The following CCSER1 variants were observed in gnomAD, a reference collection of about 807,000 sequenced individuals.
CCSER1 encodes coiled-coil serine rich protein 1.
CCSER1 carries 41 observed loss-of-function variants against 82.0 expected under a neutral mutation model. The observed-to-expected ratio is 0.50, with a 90% CI of 0.39 to 0.65. CCSER1 has a LOEUF of 0.65. Among genes scored for constraint, CCSER1 ranks in the 30% least tolerant of loss-of-function variants. The pLI is 0.00. For synonymous variants in CCSER1, 414 were observed against 383.9 expected, an observed-to-expected ratio of 1.08 and a Z score of -0.92; for missense variants, 1,119 against 1,064.2, an observed-to-expected ratio of 1.05 and a Z score of -0.72.
intron 10 of CCSER1, among the ~76,000 whole-genome samples, chr4:91,400,516 G>T (rs1752251444): frequency 6.8e-6 from 1 of 147,546 alleles, no homozygotes; most frequent in Non-Finnish European, 1.5e-5. Flanking sequence ...ATATATTATT[G>T]ATCATTTATT....
chr4:91,271,037 A>G (rs1408661516), intron 10 of CCSER1, among the ~76,000 whole-genome samples: 23 of 152,270 alleles, frequency 1.5e-4, no homozygotes, highest in African/African-American at 2.4e-5. Flanking sequence ...TCTTGCATGA[A>G]TAAGTTCTAT....
chr4:90,584,648 C>G (rs1357275642), intron 5 of CCSER1, among the ~76,000 whole-genome samples: 2 of 152,090 alleles, frequency 1.3e-5, no homozygotes, highest in African/African-American at 4.8e-5. Flanking sequence ...TAATACGCTT[C>G]CTATAAATTT....
intron 1 of CCSER1, among the ~76,000 whole-genome samples, chr4:90,139,997 A>G (rs1724443093): frequency 6.6e-6 from 1 of 152,146 alleles, no homozygotes; most frequent in South Asian, 2.1e-4. Context: ...AAAATGAAAA[A>G]TGAATAAAGC....
chr4:90,431,990 G>C (rs1357528125), intron 4 of CCSER1, among the ~76,000 whole-genome samples: 2 of 152,012 alleles, frequency 1.3e-5, no homozygotes, highest in Non-Finnish European at 2.9e-5. Context: ...TGACTCTGCT[G>C]CACGGCAGTC....
intron 10 of CCSER1, among the ~76,000 whole-genome samples, chr4:91,251,849 G>A (rs1560544010): frequency 6.6e-6 from 1 of 152,024 alleles, no homozygotes; most frequent in Non-Finnish European, 1.5e-5. Flanking sequence ...TAATATAGTT[G>A]GCGTTGTCAC....
intron 5 of CCSER1, among the ~76,000 whole-genome samples, chr4:90,584,377 C>G (rs1781752587): frequency 6.6e-6 from 1 of 151,934 alleles, no homozygotes; most frequent in Non-Finnish European, 1.5e-5. Context: ...TAAGAGCCAG[C>G]AAGGAAAAGA....
At chr4:90,806,196 C>T (rs1757480285) in intron 7 of CCSER1, among the ~76,000 whole-genome samples, 1 of 152,114 alleles carries the variant, frequency 6.6e-6, no homozygotes, top group Admixed American at 6.5e-5. Context: ...CAAAGCCATT[C>T]ATAGAGAAGA....
At chr4:90,208,468 C>G (rs1323913752) in intron 1 of CCSER1, among the ~76,000 whole-genome samples, 1 of 151,750 alleles carries the variant, frequency 6.6e-6, no homozygotes, top group African/African-American at 2.4e-5. Context: ...CTGAGCTAGA[C>G]CACTTGGCTC....
At chr4:91,119,531 G>T (rs1726911461) in intron 10 of CCSER1, among the ~76,000 whole-genome samples, 1 of 151,860 alleles carries the variant, frequency 6.6e-6, no homozygotes, top group Non-Finnish European at 1.5e-5. Flanking sequence ...ATAGTTAACA[G>T]ATTCAAAATA....
At chr4:91,508,017 T>C (rs1005077792) in intron 10 of CCSER1, among the ~76,000 whole-genome samples, 2 of 149,280 alleles carry the variant, frequency 1.3e-5, no homozygotes, top group Non-Finnish European at 3.0e-5. Context: ...TATATGAAAT[T>C]ATGTCATCTC....
chr4:91,555,767 T>C (rs1367418763), intron 10 of CCSER1, among the ~76,000 whole-genome samples: 2 of 151,220 alleles, frequency 1.3e-5, no homozygotes, highest in African/African-American at 4.9e-5. Context: ...TTTTTTGCAA[T>C]GTATCTTTCT....
chr4:90,500,522 G>T (rs1769696723), intron 5 of CCSER1, among the ~76,000 whole-genome samples: 1 of 151,950 alleles, frequency 6.6e-6, no homozygotes, highest in African/African-American at 2.4e-5. Flanking sequence ...ACAGAGTTTG[G>T]ATCTCACTAT....
chr4:91,508,868 A>G (rs1352254155), intron 10 of CCSER1, among the ~76,000 whole-genome samples: 1 of 151,824 alleles, frequency 6.6e-6, no homozygotes, highest in Non-Finnish European at 1.5e-5. Context: ...ATTACCTAAT[A>G]TTGGTATATG....
intron 5 of CCSER1, among the ~76,000 whole-genome samples, chr4:90,601,312 T>C (rs1205544784): frequency 1.3e-5 from 2 of 151,962 alleles, no homozygotes; most frequent in African/African-American, 2.4e-5. Context: ...TGTGTGTGTT[T>C]AATATATATT....
At chr4:90,490,228 A>G (rs1331275743) in intron 5 of CCSER1, among the ~76,000 whole-genome samples, 1 of 152,086 alleles carries the variant, frequency 6.6e-6, no homozygotes, top group African/African-American at 2.4e-5. Flanking sequence ...CTGGTGTGAG[A>G]TGGTATCTCA....
At chr4:90,383,130 T>G (rs1253853717) in intron 3 of CCSER1, among the ~76,000 whole-genome samples, 2 of 152,066 alleles carry the variant, frequency 1.3e-5, no homozygotes, top group African/African-American at 2.4e-5. Flanking sequence ...AGAGAATCTT[T>G]ATAAAAGTCA....
chr4:90,271,044 T>C (rs1313474731), intron 1 of CCSER1, among the ~76,000 whole-genome samples: 3 of 152,072 alleles, frequency 2.0e-5, no homozygotes, highest in Non-Finnish European at 2.9e-5. Flanking sequence ...AAAATAAATT[T>C]TGTTAAAATG....
intron 5 of CCSER1, among the ~76,000 whole-genome samples, chr4:90,503,227 A>G (rs1223552208): frequency 1.3e-5 from 2 of 152,140 alleles, no homozygotes; most frequent in East Asian, 3.9e-4. Context: ...TAGAACAGTC[A>G]TTTTTGAGCT....
chr4:90,913,846 A>C (rs1726841724), intron 8 of CCSER1, among the ~76,000 whole-genome samples: 1 of 152,204 alleles, frequency 6.6e-6, no homozygotes, highest in African/African-American at 2.4e-5. Flanking sequence ...TTGCAATCCT[A>C]GTCTCTGATA....
Sources: gnomAD v4.1 joint callset for allele counts (sites outside exome capture counted in the v4.1 genomes callset) on GRCh38, gnomAD v4.1.1 for gene constraint, MANE v1.5 for transcripts, NCBI Gene and HGNC (gene_info 2026-07-23, HGNC 2026-07-21) for gene names.